ARHGEF10: variants seen among roughly 807,000 people sequenced by gnomAD.
The protein encoded by ARHGEF10 is Rho guanine nucleotide exchange factor (GEF) 10.
A neutral mutation model predicts 147.4 loss-of-function variants in ARHGEF10; 140 were observed. The observed-to-expected ratio is 0.95, with a 90% CI of 0.83 to 1.09. ARHGEF10 has a LOEUF of 1.09. Ranked by LOEUF, ARHGEF10 falls within the 50% of genes least tolerant of loss-of-function variation. ARHGEF10 has a pLI of 0.00. For missense variants in ARHGEF10, 2,222 were observed against 1,752.7 expected (o/e 1.27, Z -4.78); for synonymous variants, 902 against 695.8 (o/e 1.30, Z -4.67).
intron 1 of ARHGEF10, among the ~76,000 whole-genome samples, chr8:1,839,255 C>CT (rs957248552): frequency 1.5e-5 from 1 of 66,504 alleles, no homozygotes; most frequent in South Asian, 5.4e-4. Flanking sequence ...GGACTGTCCG[C>CT]TGTGGGTACT....
intron 1 of ARHGEF10, among the ~76,000 whole-genome samples, chr8:1,833,147 A>AGCAGAGACAGAG (rs754848803): frequency 0.38 from 8,926 of 23,550 alleles, 518 homozygotes; most frequent in African/African-American, 0.48. Context: ...CAGAGACAGA[A>AGCAGAGACAGAG]GCAGAGACAG....
At chr8:1,863,576 A>C (rs1249244077) in intron 4 of ARHGEF10, among the ~76,000 whole-genome samples, 1 of 152,148 alleles carries the variant, frequency 6.6e-6, no homozygotes, top group Non-Finnish European at 1.5e-5. Flanking sequence ...GGGCGGTGGC[A>C]GATTCGTCAA....
intron 11 of ARHGEF10, among the ~76,000 whole-genome samples, chr8:1,891,399 C>T (rs1374329965): frequency 6.6e-6 from 1 of 152,078 alleles, no homozygotes; most frequent in African/African-American, 2.4e-5. Context: ...TCTTTGCATG[C>T]CTAATTTGGG....
rs535060107 is a variant in ARHGEF10, at chr8:1,850,884, A to T, written c.38-7076A>T. The stretch of plus-strand genomic sequence containing the variant: ...CAGTGCTAGGAAGAAATGAGCTGCC[A>T]AGCCGTGAAAAGACATGGAGGAGCC... On this transcript the variant is annotated intron_variant, in intron 2 of 28. Transcript: ENST00000349830. Among the ~76,000 whole-genome samples, 21 of 152,276 alleles carry T rather than the reference A, an allele frequency of 1.4e-4. No homozygotes were observed. In the South Asian group the frequency reaches 4.4e-3, roughly 32 times the overall value.
Position 1,832,187 on chromosome 8 carries a change from C to G in ARHGEF10, c.-48+8074C>G, listed in dbSNP as rs367822478. 1.7e-3 allele frequency among the ~76,000 whole-genome samples: 265 copies of G among 152,140 alleles called. 7 individuals are homozygous for G. The South Asian group carries it at 0.052, about 30-fold the overall frequency. On this transcript the variant is annotated intron_variant, in intron 1 of 28. Coordinates refer to ENST00000349830, the MANE Select transcript of ARHGEF10 (RefSeq NM_014629.4). Reference sequence around the variant, plus strand: ...TCACCACGCTGCTCCAAGGGAGTCTCCCAAGGGCTCCAAGGGATGGAGCGT... The same window carrying G: ...TCACCACGCTGCTCCAAGGGAGTCTGCCAAGGGCTCCAAGGGATGGAGCGT...
At chr8:1,887,397 A>G (rs980880756) in intron 11 of ARHGEF10, among the ~76,000 whole-genome samples, 1 of 152,180 alleles carries the variant, frequency 6.6e-6, no homozygotes, top group African/African-American at 2.4e-5. Flanking sequence ...GGTGAGTGTG[A>G]AAGAGGCGAT....
Position 1,926,480 on chromosome 8 carries a change from T to C in ARHGEF10, c.2697+17T>C, listed in dbSNP as rs1812701992. On this transcript the variant is annotated intron_variant, in intron 23 of 28. Coordinates refer to ENST00000349830, the MANE Select transcript of ARHGEF10 (RefSeq NM_014629.4). ...TTCCTGTGGGTAAGATGTGTTTATT[T>C]GGTTTTGGTACAAGTTCACAGAGAA... 6.2e-7 allele frequency: 1 copy of C among 1,608,760 alleles called. No homozygotes were observed. Among genetic ancestry groups the C allele is most frequent in the Non-Finnish European group, 8.5e-7 (1 of 1,175,106 alleles).
chr8:1,886,922 G>T (rs374218735), intron 11 of ARHGEF10, among the ~76,000 whole-genome samples: 3 of 152,168 alleles, frequency 2.0e-5, no homozygotes, highest in African/African-American at 7.2e-5. Context: ...ACGTCCAGGG[G>T]GGTGGTTGAC....
intron 2 of ARHGEF10, among the ~76,000 whole-genome samples, chr8:1,856,089 A>C (rs912205392): frequency 3.3e-5 from 5 of 152,150 alleles, no homozygotes; most frequent in African/African-American, 4.8e-5. Context: ...CTTAAATTCA[A>C]AACTTTGAAT....
chr8:1,930,766 C>T (rs955514549), intron 25 of ARHGEF10, among the ~76,000 whole-genome samples: 2 of 152,218 alleles, frequency 1.3e-5, no homozygotes, highest in African/African-American at 4.8e-5. Flanking sequence ...CTCCTTCTCC[C>T]GTGTGGTTCC....
intron 27 of ARHGEF10, 21 bp from the exon 28 acceptor site, chr8:1,952,684 C>T (rs760340986): frequency 6.2e-7 from 1 of 1,613,194 alleles, no homozygotes; most frequent in South Asian, 1.1e-5. Context: ...GACCCGAAGC[C>T]ACTCATGTCT....
chr8:1,915,625 G>T (rs111288062), intron 18 of ARHGEF10, among the ~76,000 whole-genome samples: 2 of 152,250 alleles, frequency 1.3e-5, no homozygotes, highest in African/African-American at 4.8e-5. Context: ...CTCCATGCAG[G>T]TGGCTGCCGC....
At chr8:1,934,200 C>T (rs1211909668) in intron 26 of ARHGEF10, among the ~76,000 whole-genome samples, 2 of 151,932 alleles carry the variant, frequency 1.3e-5, no homozygotes, top group Non-Finnish European at 2.9e-5. Context: ...GGGCAGTGCG[C>T]ACCTGTAGTG....
chr8:1,865,865 A>G (rs1806560639), intron 5 of ARHGEF10, among the ~76,000 whole-genome samples: 1 of 152,142 alleles, frequency 6.6e-6, no homozygotes, highest in Non-Finnish European at 1.5e-5. Flanking sequence ...TCCCCACAGG[A>G]CGCGGTGTCG....
chr8:1,832,521 GAGGTA>G (rs1803202433), intron 1 of ARHGEF10, among the ~76,000 whole-genome samples: 1 of 116,752 alleles, frequency 8.6e-6, no homozygotes, highest in Non-Finnish European at 1.9e-5. Flanking sequence ...GACAGAGACA[GAGGTA>G]GAGAGACACA....
chr8:1,883,868 C>G (rs1808423674), intron 10 of ARHGEF10, among the ~76,000 whole-genome samples: 1 of 152,134 alleles, frequency 6.6e-6, no homozygotes, highest in Non-Finnish European at 1.5e-5. Context: ...GTGTCTGCCA[C>G]CAGCAGCAAC....
chr8:1,945,724 T>C, intron 27 of ARHGEF10, 69 bp downstream of exon 27: 9 of 1,595,746 alleles, frequency 5.6e-6, no homozygotes, highest in Non-Finnish European at 7.7e-6. Context: ...TGCGGAGCGC[T>C]GTCAGCCCAC....
rs1359444989 is a variant in ARHGEF10, at chr8:1,957,209, G to C, written c.3981G>C (p.Gln1327His). The change falls in exon 29 of 29, where the codon CAG becomes CAC. Residue 1327 changes from glutamine (Q) to histidine (H), a missense_variant. Transcript: ENST00000349830. ...ACAGGAAGGCCCGGCAGCCCCACCA[G>C]GAAGAGCTGGCGCCGACCGTCATGG... ...RVHRKARQPH[Q>H]EELAPTVMVW... The C allele has an allele frequency of 6.2e-7, 1 of 1,612,068 alleles. No homozygotes were observed. Among genetic ancestry groups the C allele is most frequent in the Non-Finnish European group, 8.5e-7 (1 of 1,179,936 alleles).
chr8:1,903,423 A>G lies in ARHGEF10; in HGVS notation c.1793A>G (p.Lys598Arg), dbSNP rs536369205. The G allele has an allele frequency of 7.4e-6, 12 of 1,614,222 alleles. No homozygotes were observed. The East Asian group carries it at 2.2e-4, about 30-fold the overall frequency. The part of the protein sequence containing the change: ...DQRCEVKQIA[K>R]AINERYLNKL... ...CGCTGTGAAGTGAAGCAAATAGCCAAAGCCATAAACGAAAGATACCTGAAC... is the reference window on the plus strand; with the variant it reads ...CGCTGTGAAGTGAAGCAAATAGCCAGAGCCATAAACGAAAGATACCTGAAC... Residue 598 changes from lysine (K) to arginine (R), a missense_variant, in exon 16 of 29, where the codon AAA becomes AGA. Coordinates refer to ENST00000349830, the MANE Select transcript of ARHGEF10 (RefSeq NM_014629.4).
Sources: gnomAD v4.1 joint callset for allele counts (sites outside exome capture counted in the v4.1 genomes callset) on GRCh38, gnomAD v4.1.1 for gene constraint, MANE v1.5 for transcripts, NCBI Gene and HGNC (gene_info 2026-07-23, HGNC 2026-07-21) for gene names.